The following ZNF385D variants were observed in gnomAD, a reference collection of about 807,000 sequenced individuals.
ZNF385D encodes the protein zinc finger protein 659.
Under a neutral mutation model 35.8 loss-of-function variants are expected in ZNF385D, and 15 were observed. The ratio of observed to expected loss-of-function variants is 0.42; its 90% CI spans 0.28 to 0.64. The LOEUF (loss-of-function observed/expected upper bound fraction) is 0.64. ZNF385D is among the 30% of genes least tolerant of loss of function. The pLI, the probability that ZNF385D is intolerant of heterozygous loss-of-function variation, is 0.23. For missense variants in ZNF385D, 474 were observed against 494.6 expected, an observed-to-expected ratio of 0.96 and a Z score of 0.39; for synonymous variants, 212 against 186.8, an observed-to-expected ratio of 1.13 and a Z score of -1.10.
At chr3:22,097,485 G>A (rs1429109841) in intron 3 of ZNF385D, among the ~76,000 whole-genome samples, 1 of 151,924 alleles carries the variant, frequency 6.6e-6, no homozygotes, top group Non-Finnish European at 1.5e-5. Flanking sequence ...TGAGAGAAAA[G>A]TTATCACTGA....
At chr3:22,317,041 G>T (rs1703927056) in intron 2 of ZNF385D, among the ~76,000 whole-genome samples, 1 of 151,950 alleles carries the variant, frequency 6.6e-6, no homozygotes, top group Admixed American at 6.6e-5. Flanking sequence ...ACTTTGGGAG[G>T]CCGAGGTGGG....
At chr3:22,050,875 A>AAGCGTGTGTTAG (rs1477091241) in intron 3 of ZNF385D, among the ~76,000 whole-genome samples, 1 of 26,106 alleles carries the variant, frequency 3.8e-5, no homozygotes, top group Non-Finnish European at 8.2e-5. Context: ...ATGTGTTATA[A>AAGCGTGTGTTAG]TTTCTGTTCT....
intron 3 of ZNF385D, among the ~76,000 whole-genome samples, chr3:22,102,998 G>GTA (rs925619272): frequency 6.0e-5 from 9 of 149,448 alleles, no homozygotes; most frequent in East Asian, 5.8e-4. Context: ...ATTATATACT[G>GTA]TATATATATA....
intron 2 of ZNF385D, among the ~76,000 whole-genome samples, chr3:21,663,908 TA>T (rs1334393201): frequency 3.4e-4 from 42 of 124,254 alleles, no homozygotes; most frequent in African/African-American, 9.2e-4. Context: ...TATATATATA[TA>T]TATATATATT....
intron 3 of ZNF385D, among the ~76,000 whole-genome samples, chr3:21,824,699 T>C (rs1346774183): frequency 6.6e-6 from 1 of 152,150 alleles, no homozygotes; most frequent in Non-Finnish European, 1.5e-5. Context: ...AATTATTCCA[T>C]GTGATGGCAT....
At chr3:22,223,020 C>T (rs967908916) in intron 2 of ZNF385D, among the ~76,000 whole-genome samples, 4 of 152,116 alleles carry the variant, frequency 2.6e-5, no homozygotes, top group African/African-American at 9.7e-5. Context: ...CTGGGTTCAG[C>T]TATGCCATTA....
chr3:22,346,950 G>A (rs1695684919), intron 2 of ZNF385D, among the ~76,000 whole-genome samples: 1 of 152,156 alleles, frequency 6.6e-6, no homozygotes. Context: ...TATGCTAGTG[G>A]AGAATCCAAA....
chr3:22,322,968 G>T (rs183941339), intron 2 of ZNF385D, among the ~76,000 whole-genome samples: 2 of 152,166 alleles, frequency 1.3e-5, no homozygotes, highest in Non-Finnish European at 1.5e-5. Context: ...GATTTTTATT[G>T]TTCTGTTTTG....
intron 3 of ZNF385D, among the ~76,000 whole-genome samples, chr3:21,899,750 AAT>A (rs1372242526): frequency 6.6e-6 from 1 of 152,124 alleles, no homozygotes; most frequent in Admixed American, 6.6e-5. Flanking sequence ...TACTAAACAT[AAT>A]ATATTTGCTA....
At chr3:21,820,225 G>A (rs1482009507) in intron 3 of ZNF385D, among the ~76,000 whole-genome samples, 4 of 151,582 alleles carry the variant, frequency 2.6e-5, no homozygotes, top group Non-Finnish European at 4.4e-5. Context: ...CAATAAAATC[G>A]TCTCAATACG....
chr3:22,307,936 C>A (rs929746705), intron 2 of ZNF385D, among the ~76,000 whole-genome samples: 1 of 151,922 alleles, frequency 6.6e-6, no homozygotes, highest in Admixed American at 6.6e-5. Flanking sequence ...ACTTTAAAAT[C>A]AAAGTTAAAA....
At chr3:21,589,085 A>G (rs1398305602) in intron 2 of ZNF385D, among the ~76,000 whole-genome samples, 2 of 152,214 alleles carry the variant, frequency 1.3e-5, no homozygotes, top group East Asian at 1.9e-4. Context: ...ACAAATTCAA[A>G]TAGTCACAAG....
At chr3:21,648,184 G>A (rs892843604) in intron 2 of ZNF385D, among the ~76,000 whole-genome samples, 10 of 152,238 alleles carry the variant, frequency 6.6e-5, no homozygotes, top group African/African-American at 1.9e-4. Flanking sequence ...GATCATGAGG[G>A]GCGGGTTTCC....
intron 3 of ZNF385D, among the ~76,000 whole-genome samples, chr3:22,099,493 G>A (rs937800305): frequency 1.3e-5 from 2 of 152,076 alleles, no homozygotes; most frequent in East Asian, 1.9e-4. Flanking sequence ...TAAAGACTGA[G>A]AAACAAGGAT....
At chr3:22,312,396 T>A (rs547424371) in intron 2 of ZNF385D, among the ~76,000 whole-genome samples, 7 of 152,110 alleles carry the variant, frequency 4.6e-5, no homozygotes, top group Non-Finnish European at 1.0e-4. Context: ...CACTAAGATG[T>A]AGATATAACA....
chr3:22,334,368 G>A (rs1334070480), intron 2 of ZNF385D, among the ~76,000 whole-genome samples: 1 of 151,888 alleles, frequency 6.6e-6, no homozygotes, highest in African/African-American at 2.4e-5. Flanking sequence ...AGAATCAAAG[G>A]GCTTTCTAAT....
At chr3:21,874,988 CT>C (rs34505652) in intron 3 of ZNF385D, among the ~76,000 whole-genome samples, 63,658 of 151,584 alleles carry the variant, frequency 0.42, 13,602 homozygotes, top group African/African-American at 0.43. Flanking sequence ...ATTTTGATGC[CT>C]TTTTTTATTT....
chr3:22,095,088 CTTTTT>C (rs10663641), intron 3 of ZNF385D, among the ~76,000 whole-genome samples: 2 of 121,974 alleles, frequency 1.6e-5, no homozygotes, highest in South Asian at 2.6e-4. Flanking sequence ...TTCATTCTTT[CTTTTT>C]TTTTTTTTTT....
At chr3:21,493,947 A>G (rs574702300) in intron 4 of ZNF385D, among the ~76,000 whole-genome samples, 1 of 152,304 alleles carries the variant, frequency 6.6e-6, no homozygotes, top group East Asian at 1.9e-4. Context: ...TGAAAAATTA[A>G]CATTTGACTG....
Sources: allele counts gnomAD v4.1 joint callset (sites outside exome capture counted in the v4.1 genomes callset), GRCh38; gene constraint gnomAD v4.1.1; transcripts MANE v1.5; gene names NCBI Gene and HGNC (gene_info 2026-07-23, HGNC 2026-07-21).